CLVS1: variants seen among roughly 807,000 people sequenced by gnomAD.
CLVS1 encodes clavesin 1.
CLVS1 carries 10 observed loss-of-function variants against 33.1 expected under a neutral mutation model. That is an observed-to-expected ratio of 0.30 (90% CI 0.19 to 0.51). The LOEUF (loss-of-function observed/expected upper bound fraction) is 0.51, where lower values mean the gene tolerates loss of function less well. Ranked by LOEUF, CLVS1 falls within the 20% of genes least tolerant of loss-of-function variation. CLVS1 has a pLI of 0.97. For missense variants in CLVS1, 343 were observed against 433.4 expected, an observed-to-expected ratio of 0.79 and a Z score of 1.85; for synonymous variants, 163 against 166.1, an observed-to-expected ratio of 0.98 and a Z score of 0.14.
rs554064772 is a variant in CLVS1, at chr8:61,403,550, C to T, written c.630+26771C>T. ...AAAGTGGTGGGAAGACAACAAATTC[C>T]GGATATATTTAAAAATTGAGCCACT... On this transcript the variant is annotated intron_variant, in intron 3 of 5. Transcript: ENST00000325897. Among the ~76,000 whole-genome samples, 11 of 152,022 alleles carry T rather than the reference C, an allele frequency of 7.2e-5. No individual in the cohort carries two copies. The East Asian group carries it at 7.7e-4, about 11-fold the overall frequency.
intron 3 of CLVS1, among the ~76,000 whole-genome samples, chr8:61,394,685 G>A (rs1053356366): frequency 1.3e-5 from 2 of 152,100 alleles, no homozygotes; most frequent in African/African-American, 4.8e-5. Context: ...TCCATACCTC[G>A]CCAGCAGCAC....
chr8:61,498,480 T>C (rs1804346158), intron 5 of CLVS1, among the ~76,000 whole-genome samples: 1 of 152,246 alleles, frequency 6.6e-6, no homozygotes, highest in South Asian at 2.1e-4. Flanking sequence ...TAATTTGTTT[T>C]TAGTTGTGAA....
At chr8:61,434,293 G>GTTGTGTGGCCT (rs1266224794) in intron 3 of CLVS1, among the ~76,000 whole-genome samples, 9 of 152,100 alleles carry the variant, frequency 5.9e-5, no homozygotes, top group Admixed American at 4.6e-4. Flanking sequence ...CACATCTAAA[G>GTTGTGTGGCCT]TTACATGTAA....
At chr8:61,228,768 C>A (rs1808378088) in intron 2 of CLVS1, among the ~76,000 whole-genome samples, 1 of 152,102 alleles carries the variant, frequency 6.6e-6, no homozygotes, top group South Asian at 2.1e-4. Context: ...TGTACATGTA[C>A]CACATTTTTA....
At chr8:61,023,010 T>C in the CLVS1 span, among the ~76,000 whole-genome samples, 1 of 152,222 alleles carries the variant, frequency 6.6e-6, no homozygotes, top group Non-Finnish European at 1.5e-5. Flanking sequence ...GATCAAGGGA[T>C]GAGCAAAGTT....
At chr8:61,007,847 G>T in the CLVS1 span, among the ~76,000 whole-genome samples, 1 of 152,184 alleles carries the variant, frequency 6.6e-6, no homozygotes, top group Non-Finnish European at 1.5e-5. Flanking sequence ...GAGCAGTGTG[G>T]CAGGGCCATG....
chr8:61,305,605 G>A (rs181512751), intron 2 of CLVS1, among the ~76,000 whole-genome samples: 27 of 152,082 alleles, frequency 1.8e-4, no homozygotes, highest in African/African-American at 2.4e-4. Flanking sequence ...GGTTTGTTAC[G>A]TAGGTAAACT....
chr8:61,276,087 A>G (rs969932622), intron 2 of CLVS1, among the ~76,000 whole-genome samples: 4 of 152,224 alleles, frequency 2.6e-5, no homozygotes, highest in African/African-American at 9.6e-5. Context: ...AGAACTGAAC[A>G]TCCATTAAGA....
intron 3 of CLVS1, among the ~76,000 whole-genome samples, chr8:61,416,339 TA>T (rs1400085265): frequency 3.3e-5 from 5 of 151,978 alleles, no homozygotes; most frequent in Non-Finnish European, 7.4e-5. Flanking sequence ...CATACATACA[TA>T]CATACATACA....
chr8:60,995,226 C>T, the CLVS1 span, among the ~76,000 whole-genome samples: 2 of 151,838 alleles, frequency 1.3e-5, no homozygotes, highest in East Asian at 1.9e-4. Flanking sequence ...GAACAGGCAA[C>T]CTACAAAATG....
chr8:61,459,294 A>G (rs1034753928), intron 5 of CLVS1, among the ~76,000 whole-genome samples: 18 of 152,334 alleles, frequency 1.2e-4, no homozygotes, highest in Admixed American at 1.0e-3. Flanking sequence ...GAGGGATTAA[A>G]AAGATTGATA....
intron 2 of CLVS1, among the ~76,000 whole-genome samples, chr8:61,356,588 TG>T (rs1812717418): frequency 6.6e-6 from 1 of 152,064 alleles, no homozygotes; most frequent in Non-Finnish European, 1.5e-5. Context: ...AATTAATTTT[TG>T]TATAAGGTGT....
chr8:61,338,718 G>T (rs562503695), intron 2 of CLVS1, among the ~76,000 whole-genome samples: 4 of 152,286 alleles, frequency 2.6e-5, no homozygotes, highest in Admixed American at 1.3e-4. Flanking sequence ...GCCACACACA[G>T]TTCTCCCACA....
chr8:60,968,325 G>C, the CLVS1 span, among the ~76,000 whole-genome samples: 1 of 152,144 alleles, frequency 6.6e-6, no homozygotes, highest in Non-Finnish European at 1.5e-5. Context: ...AGACCAGCCT[G>C]ACCAACATGG....
At chr8:61,257,206 A>C (rs1809100939) in intron 2 of CLVS1, among the ~76,000 whole-genome samples, 1 of 152,230 alleles carries the variant, frequency 6.6e-6, no homozygotes, top group African/African-American at 2.4e-5. Flanking sequence ...TTTCTGTCCC[A>C]GTGCTAATTG....
At chr8:61,479,912 G>T (rs1221319903) in intron 5 of CLVS1, among the ~76,000 whole-genome samples, 1 of 152,208 alleles carries the variant, frequency 6.6e-6, no homozygotes, top group Non-Finnish European at 1.5e-5. Flanking sequence ...TTGGTGAACC[G>T]CAAATGCTGC....
chr8:60,993,043 T>A, the CLVS1 span, among the ~76,000 whole-genome samples: 4 of 152,222 alleles, frequency 2.6e-5, no homozygotes, highest in African/African-American at 9.6e-5. Flanking sequence ...TACCTCCTTA[T>A]CAGCCTCCTG....
At position 61,094,592 on chromosome 8, in the gene CLVS1, G is replaced by C. The variant is rs9650203; in HGVS notation, c.-242-37178G>C. ...AGCCCAAACCCCAGTACCTTAGAGTGTGACTGTATTTAAAGACAGTCTTTA... is the reference window on the plus strand; with the variant it reads ...AGCCCAAACCCCAGTACCTTAGAGTCTGACTGTATTTAAAGACAGTCTTTA... On this transcript the variant is annotated intron_variant, in intron 1 of 2. Transcript: ENST00000522621. Among the ~76,000 whole-genome samples, 761 of 152,292 alleles carry C rather than the reference G, an allele frequency of 5.0e-3. 9 individuals are homozygous for C. Among genetic ancestry groups the C allele is most frequent in the South Asian group, 0.026 (127 of 4,818 alleles).
At position 61,093,193 on chromosome 8, in the gene CLVS1, A is replaced by C. The variant is rs189413698; in HGVS notation, c.-243+35963A>C. Among the ~76,000 whole-genome samples the C allele has an allele frequency of 1.6e-3, 245 of 152,328 alleles. 2 individuals are homozygous for C. Among genetic ancestry groups the C allele is most frequent in the Non-Finnish European group, 2.9e-3 (197 of 68,026 alleles). ...TATATACATCTTTATGATGTATACC[A>C]ATATAATGGAAAAAGGACTGACTCA... On this transcript the variant is annotated intron_variant, in intron 1 of 2. Transcript: ENST00000522621.
Sources: allele counts gnomAD v4.1 joint callset (sites outside exome capture counted in the v4.1 genomes callset), GRCh38; gene constraint gnomAD v4.1.1; transcripts MANE v1.5; gene names NCBI Gene and HGNC (gene_info 2026-07-23, HGNC 2026-07-21).